The following CLCN4 variants were observed in gnomAD, a reference collection of about 807,000 sequenced individuals.
CLCN4 encodes H(+)/Cl(-) exchange transporter 4.
In CLCN4, 1 loss-of-function variant was observed where a neutral mutation model predicts 41.7. The observed-to-expected ratio is 0.02, with a 90% CI of 0.01 to 0.11. The LOEUF (loss-of-function observed/expected upper bound fraction) is 0.11. Ranked by LOEUF, CLCN4 falls within the 10% of genes least tolerant of loss-of-function variation. The pLI, the probability that CLCN4 is intolerant of heterozygous loss-of-function variation, is 1.00. For synonymous variants in CLCN4, 277 were observed against 285.8 expected, an observed-to-expected ratio of 0.97 and a Z score of 0.31; for missense variants, 287 against 661.0, an observed-to-expected ratio of 0.43 and a Z score of 6.20.
At chrX:10,219,839 G>C (rs1160357482) in intron 11 of CLCN4, among the ~76,000 whole-genome samples, 1 of 112,215 alleles carries the variant, frequency 8.9e-6, no homozygotes, top group East Asian at 2.8e-4. Context: ...TCGCCTTGGA[G>C]AAATATCTTG....
intron 4 of CLCN4, among the ~76,000 whole-genome samples, chrX:10,188,228 A>G (rs184955168): frequency 6.6e-4 from 74 of 112,730 alleles, no homozygotes; most frequent in Admixed American, 1.4e-3. Context: ...CACACATTTT[A>G]TATTCGGTTA....
At position 10,181,709 on chromosome X, in the gene CLCN4, C is replaced by T. The variant is rs753653038; in HGVS notation, c.-11-3313C>T. Among the ~76,000 whole-genome samples, 8 of 112,006 alleles carry T rather than the reference C, an allele frequency of 7.1e-5. No homozygotes were observed. The South Asian group carries it at 3.0e-3, about 42-fold the overall frequency. ...TAGGTGATTTCCTGCTTTCTTTCAT[C>T]TTCTAGAACCTGTTATGTTATTGCT... On this transcript the variant is annotated intron_variant, in intron 2 of 12. Coordinates refer to ENST00000380833, the MANE Select transcript of CLCN4 (RefSeq NM_001830.4).
intron 12 of CLCN4, among the ~76,000 whole-genome samples, chrX:10,231,502 T>A (rs1472177883): frequency 8.9e-6 from 1 of 111,853 alleles, no homozygotes; most frequent in Non-Finnish European, 1.9e-5. Context: ...TTGTTGTTGT[T>A]TTTTTAATGA....
intron 10 of CLCN4, 52 bp downstream of exon 10, chrX:10,212,705 G>C (rs1270658983): frequency 2.8e-6 from 3 of 1,071,770 alleles, no homozygotes; most frequent in East Asian, 3.1e-5. Flanking sequence ...ATCTGGCTTA[G>C]AGGACTGCCA....
intron 2 of CLCN4, among the ~76,000 whole-genome samples, chrX:10,173,272 G>C (rs1923427994): frequency 9.0e-6 from 1 of 111,286 alleles, no homozygotes; most frequent in African/African-American, 3.3e-5. Context: ...AGAATCTGCC[G>C]TTTAATAAGA....
rs61453535 is a variant in CLCN4, at chrX:10,204,613, C to CTTTTTTTTTTTTTTTTTTT, written c.556-1727_556-1709dup. ...CTATTCTCACCAGAAAGCTAGTAGT[C>CTTTTTTTTTTTTTTTTTTT]TTTTTTTTTTTTTTTTTTTTTTTTT... On this transcript the variant is annotated intron_variant, in intron 6 of 12. Transcript: ENST00000380833. Among the ~76,000 whole-genome samples the CTTTTTTTTTTTTTTTTTTT allele has an allele frequency of 4.4e-4, 12 of 27,347 alleles. 4 individuals carry two copies. Among genetic ancestry groups the CTTTTTTTTTTTTTTTTTTT allele is most frequent in the Non-Finnish European group, 5.5e-4 (6 of 10,921 alleles). The allele number at this position is 27,347 out of a possible 115,157, so 23.7% of individuals were successfully genotyped here. A position where few individuals can be genotyped will look rare whatever the true frequency, so the allele number is the denominator to read the frequency against.
chrX:10,187,103 G>A (rs753447632), intron 3 of CLCN4, among the ~76,000 whole-genome samples: 1 of 112,152 alleles, frequency 8.9e-6, no homozygotes, highest in East Asian at 2.8e-4. Context: ...GAAAACAAAA[G>A]GAGGAGATGA....
chrX:10,166,014 G>A (rs189996132), intron 2 of CLCN4, among the ~76,000 whole-genome samples: 1 of 111,997 alleles, frequency 8.9e-6, no homozygotes, highest in East Asian at 2.8e-4. Context: ...TATCCATGAG[G>A]GGGTGTGAAC....
At chrX:10,212,782 G>A (rs1924596334) in intron 10 of CLCN4, 129 bp downstream of exon 10, 9 of 559,768 alleles carry the variant, frequency 1.6e-5, no homozygotes, top group Admixed American at 3.7e-5. Context: ...GCTATAACAA[G>A]TAAACCCCTA....
At chrX:10,193,770 T>C (rs1924027016) in intron 4 of CLCN4, among the ~76,000 whole-genome samples, 1 of 111,551 alleles carries the variant, frequency 9.0e-6, no homozygotes, top group African/African-American at 3.3e-5. Flanking sequence ...CCAATAAAAC[T>C]TTATTTACAA....
intron 6 of CLCN4, among the ~76,000 whole-genome samples, chrX:10,201,675 A>G (rs961407103): frequency 8.0e-5 from 9 of 112,505 alleles, no homozygotes; most frequent in African/African-American, 2.9e-4. Context: ...ATAAGCTGCT[A>G]TATGGCACAC....
intron 4 of CLCN4, among the ~76,000 whole-genome samples, chrX:10,190,522 G>A (rs1923932964): frequency 9.0e-6 from 1 of 111,586 alleles, no homozygotes; most frequent in Admixed American, 9.5e-5. Context: ...AAGACCTCAT[G>A]AAATACTAAA....
chrX:10,183,100 G>T (rs966881592), intron 2 of CLCN4, among the ~76,000 whole-genome samples: 7 of 111,642 alleles, frequency 6.3e-5, no homozygotes, highest in African/African-American at 2.3e-4. Context: ...ATATTAAGAG[G>T]TTATTTTCAT....
rs755374383 is a variant in CLCN4 at position 10,208,482 on chromosome X, T to G, written c.1281T>G (p.Asp427Glu). ...ACCCCAACATGACTCGGCCTGTGGA[T>G]GACATTCCAGACCGGCCGGCTGGTG... ...INDPNMTRPV[D>E]DIPDRPAGVG... is the part of the protein sequence containing the mutation. Residue 427 changes from aspartate (D) to glutamate (E), a missense_variant, in exon 9 of 13, where the codon GAT becomes GAG. This residue lies in a region of CLCN4 where 94 missense variants were observed against 177.9 expected (regional missense o/e 0.53). Coordinates refer to ENST00000380833, the MANE Select transcript of CLCN4 (RefSeq NM_001830.4). 1.7e-6 allele frequency: 2 copies of G among 1,209,398 alleles called. No homozygotes were observed. The highest frequency in any genetic ancestry group is 2.2e-6 in the Non-Finnish European group (2 of 894,986).
At chrX:10,183,074 A>G (rs1420107052) in intron 2 of CLCN4, among the ~76,000 whole-genome samples, 1 of 111,166 alleles carries the variant, frequency 9.0e-6, no homozygotes, top group African/African-American at 3.3e-5. Context: ...CCCATCAGAG[A>G]TTTTCTTTCC....
chrX:10,161,615 CT>C (rs1293197130), intron 2 of CLCN4, among the ~76,000 whole-genome samples: 1 of 111,438 alleles, frequency 9.0e-6, no homozygotes, highest in Non-Finnish European at 1.9e-5. Context: ...CACTAGGAGA[CT>C]GCTGCTGCTT....
chrX:10,195,972 T>C lies in CLCN4; in HGVS notation c.432+874T>C, dbSNP rs764631156. 2.7e-5 allele frequency among the ~76,000 whole-genome samples: 3 copies of C among 112,559 alleles called. No homozygotes were observed. The East Asian group carries it at 8.3e-4, about 31-fold the overall frequency. On this transcript the variant is annotated intron_variant, in intron 5 of 12. Coordinates refer to ENST00000380833, the MANE Select transcript of CLCN4 (RefSeq NM_001830.4). ...GTTTTTGTGAAGACATATGTTTCAT[T>C]TCTCTCAAGTATATATCTGGGAATG...
At chrX:10,187,668 C>G in intron 4 of CLCN4, 54 bp downstream of exon 4, 1 of 927,481 alleles carries the variant, frequency 1.1e-6, no homozygotes, top group African/African-American at 1.9e-5. Flanking sequence ...GCCGAAACCT[C>G]AAAACACGAA....
intron 12 of CLCN4, among the ~76,000 whole-genome samples, chrX:10,229,021 T>G (rs148792063): frequency 0.022 from 2,419 of 111,415 alleles, 17 homozygotes; most frequent in Non-Finnish European, 0.032. Context: ...CAGAATGGCC[T>G]ATCTGCAACA....
Sources: allele counts gnomAD v4.1 joint callset (sites outside exome capture counted in the v4.1 genomes callset), GRCh38; gene constraint gnomAD v4.1.1; regional missense constraint gnomAD v4.1.1; transcripts MANE v1.5; gene names NCBI Gene and HGNC (gene_info 2026-07-23, HGNC 2026-07-21).